Variants in PCDH9 observed in about 807,000 individuals in gnomAD.
PCDH9 encodes protocadherin-9.
A neutral mutation model predicts 70.6 loss-of-function variants in PCDH9; 24 were observed. That is an observed-to-expected ratio of 0.34 (90% CI 0.25 to 0.48). The LOEUF (loss-of-function observed/expected upper bound fraction) is 0.48. Among genes scored for constraint, PCDH9 ranks in the 20% least tolerant of loss-of-function variants. The pLI, the probability that PCDH9 is intolerant of heterozygous loss-of-function variation, is 0.99. For missense variants in PCDH9, 1,281 were observed against 1,503.6 expected (o/e 0.85, Z 2.45); for synonymous variants, 562 against 558.5 (o/e 1.01, Z -0.09).
intron 4 of PCDH9, among the ~76,000 whole-genome samples, chr13:66,331,704 A>G (rs1181865929): frequency 1.3e-5 from 2 of 152,210 alleles, no homozygotes; most frequent in African/African-American, 4.8e-5. Context: ...GAATACAACT[A>G]GGAACAAGAC....
At chr13:66,660,882 T>G (rs1486907184) in intron 3 of PCDH9, among the ~76,000 whole-genome samples, 6 of 152,086 alleles carry the variant, frequency 3.9e-5, no homozygotes, top group Non-Finnish European at 8.8e-5. Context: ...CTGGAAATAT[T>G]TTATATTTTA....
chr13:66,772,836 A>C (rs1427729467), intron 3 of PCDH9, among the ~76,000 whole-genome samples: 1 of 152,048 alleles, frequency 6.6e-6, no homozygotes, highest in Non-Finnish European at 1.5e-5. Flanking sequence ...CAATATTTAT[A>C]TTTGGCATAT....
At chr13:66,823,131 C>T (rs1379663967) in intron 3 of PCDH9, among the ~76,000 whole-genome samples, 1 of 151,832 alleles carries the variant, frequency 6.6e-6, no homozygotes, top group African/African-American at 2.4e-5. Flanking sequence ...ATCTCATATT[C>T]TCCATTAGGT....
intron 2 of PCDH9, among the ~76,000 whole-genome samples, chr13:66,950,889 A>AT (rs1308566917): frequency 5.3e-5 from 8 of 151,888 alleles, no homozygotes; most frequent in African/African-American, 1.9e-4. Context: ...TTGTGTATTT[A>AT]TTTTTTCTCA....
chr13:66,726,279 C>CA (rs1316595155), intron 3 of PCDH9, among the ~76,000 whole-genome samples: 1 of 152,032 alleles, frequency 6.6e-6, no homozygotes, highest in Non-Finnish European at 1.5e-5. Context: ...GAGAAAGAGT[C>CA]AGAGTTGTAA....
intron 4 of PCDH9, among the ~76,000 whole-genome samples, chr13:66,423,940 C>T (rs1241601942): frequency 7.2e-5 from 11 of 152,048 alleles, no homozygotes; most frequent in Admixed American, 7.2e-4. Flanking sequence ...TCATCTTAGC[C>T]CCAAATCTCC....
chr13:67,202,498 C>G (rs1015818511), intron 2 of PCDH9: 1 of 152,072 alleles, frequency 6.6e-6, no homozygotes, highest in African/African-American at 2.4e-5. Context: ...CTCCCCAGTA[C>G]CAACTGCCCA....
chr13:66,568,695 T>A (rs963696241), intron 4 of PCDH9, among the ~76,000 whole-genome samples: 1 of 151,200 alleles, frequency 6.6e-6, no homozygotes, highest in Non-Finnish European at 1.5e-5. Flanking sequence ...GAAAATGATT[T>A]GCAGGAGAGG....
chr13:67,225,987 G>A lies in PCDH9; in HGVS notation c.2454C>T (p.Ala818=), dbSNP rs758464613. The A allele has an allele frequency of 5.6e-5, 91 of 1,613,922 alleles. 1 individual carries two copies. The Middle Eastern group carries it at 6.6e-4, about 12-fold the overall frequency. The stretch of plus-strand genomic sequence containing the variant: ...TGACCACCATGGCACCGGCGATGAT[G>A]GCAATCATGATGGTTAGATAGTCCT... ...QNEDYLTIMI[A]IIAGAMVVIV... Residue 818 remains alanine, a synonymous_variant, in exon 2 of 5, where the codon GCC becomes GCT. Transcript: ENST00000377865.
chr13:66,607,368 ATAT>A (rs1402119525), intron 4 of PCDH9, among the ~76,000 whole-genome samples: 4 of 152,176 alleles, frequency 2.6e-5, no homozygotes, highest in African/African-American at 7.2e-5. Context: ...ATAAATGGTA[ATAT>A]TATTATTAAC....
At chr13:67,130,243 G>A (rs1421795954) in intron 2 of PCDH9, among the ~76,000 whole-genome samples, 2 of 152,134 alleles carry the variant, frequency 1.3e-5, no homozygotes, top group Non-Finnish European at 2.9e-5. Context: ...TTATTTCAAT[G>A]TATTTCTGAT....
At chr13:66,443,558 G>A (rs1258016308) in intron 4 of PCDH9, among the ~76,000 whole-genome samples, 1 of 151,996 alleles carries the variant, frequency 6.6e-6, no homozygotes, top group Admixed American at 6.6e-5. Flanking sequence ...TAACAGTGCT[G>A]ATTTTCATGT....
intron 4 of PCDH9, among the ~76,000 whole-genome samples, chr13:66,404,526 T>A (rs558260389): frequency 6.6e-6 from 1 of 151,710 alleles, no homozygotes; most frequent in South Asian, 2.1e-4. Flanking sequence ...AGGCTGATAA[T>A]CCACAACTAT....
At chr13:67,106,145 A>C (rs2086536983) in intron 2 of PCDH9, among the ~76,000 whole-genome samples, 1 of 152,180 alleles carries the variant, frequency 6.6e-6, no homozygotes, top group African/African-American at 2.4e-5. Context: ...CCCATGTAAA[A>C]GGGAGTCAAA....
intron 2 of PCDH9, among the ~76,000 whole-genome samples, chr13:66,920,006 C>A (rs973149052): frequency 2.7e-5 from 4 of 150,712 alleles, no homozygotes; most frequent in Non-Finnish European, 5.9e-5. Flanking sequence ...TAACCAATAA[C>A]AAGTTTACCC....
intron 4 of PCDH9, among the ~76,000 whole-genome samples, chr13:66,352,791 T>C (rs1364300562): frequency 6.6e-6 from 1 of 152,224 alleles, no homozygotes. Flanking sequence ...ATGTGTTTTA[T>C]AAACAATAGC....
intron 3 of PCDH9, among the ~76,000 whole-genome samples, chr13:66,861,921 A>C (rs1594166937): frequency 6.6e-6 from 1 of 152,208 alleles, no homozygotes; most frequent in Non-Finnish European, 1.5e-5. Context: ...ATATTGTTAT[A>C]CATTTTTATC....
intron 3 of PCDH9, among the ~76,000 whole-genome samples, chr13:66,797,767 T>C (rs774860437): frequency 6.6e-6 from 1 of 152,166 alleles, no homozygotes; most frequent in Non-Finnish European, 1.5e-5. Flanking sequence ...ATTTTTTTAA[T>C]ATGGGACATC....
chr13:66,718,165 T>A (rs532162173), intron 3 of PCDH9, among the ~76,000 whole-genome samples: 1 of 152,292 alleles, frequency 6.6e-6, no homozygotes, highest in South Asian at 2.1e-4. Flanking sequence ...ATTGCTAAAT[T>A]GGGGTTCACA....
Sources: allele counts gnomAD v4.1 joint callset (sites outside exome capture counted in the v4.1 genomes callset), GRCh38; gene constraint gnomAD v4.1.1; transcripts MANE v1.5; gene names NCBI Gene and HGNC (gene_info 2026-07-23, HGNC 2026-07-21).